The following LARGE1 variants were observed in gnomAD, a reference collection of about 807,000 sequenced individuals.
LARGE1 encodes LARGE xylosyl- and glucuronyltransferase 1, also known as xylosyl- and glucuronyltransferase LARGE1.
A neutral mutation model predicts 87.6 loss-of-function variants in LARGE1; 43 were observed. The observed-to-expected ratio is 0.49, with a 90% CI of 0.38 to 0.63. The LOEUF is 0.63. LARGE1 is among the 30% of genes least tolerant of loss of function. The pLI is 0.00. For missense variants in LARGE1, 802 were observed against 1,000.2 expected, an observed-to-expected ratio of 0.80 and a Z score of 2.67; for synonymous variants, 434 against 394.6, an observed-to-expected ratio of 1.10 and a Z score of -1.18.
chr22:33,499,037 G>T lies in LARGE1; in HGVS notation c.787+65811C>A, dbSNP rs139974291. On this transcript the variant is annotated intron_variant, in intron 6 of 14. Coordinates refer to ENST00000397394, the MANE Select transcript of LARGE1 (RefSeq NM_133642.5). Reference sequence around the variant, plus strand: ...AATTGAAATAAAACAGTATAAAACAGAGACTCTTGTGGCTTTAAAGGCAAT... The same window carrying T: ...AATTGAAATAAAACAGTATAAAACATAGACTCTTGTGGCTTTAAAGGCAAT... Among the ~76,000 whole-genome samples the T allele has an allele frequency of 4.0e-3, 610 of 152,186 alleles. 5 individuals are homozygous for T. Among genetic ancestry groups the T allele is most frequent in the African/African-American group, 0.014 (574 of 41,546 alleles).
At chr22:33,729,603 C>T (rs932967066) in intron 2 of LARGE1, among the ~76,000 whole-genome samples, 2 of 152,240 alleles carry the variant, frequency 1.3e-5, no homozygotes, top group African/African-American at 4.8e-5. Context: ...TTTTCATTTA[C>T]TTCCACTGAA....
At chr22:33,156,709 G>A in the LARGE1 span, among the ~76,000 whole-genome samples, 1 of 152,248 alleles carries the variant, frequency 6.6e-6, no homozygotes, top group African/African-American at 2.4e-5. Flanking sequence ...GGGAAATATT[G>A]GGAAGGCATG....
At chr22:33,171,471 C>T (rs1391011567) in intron 11 of LARGE1, among the ~76,000 whole-genome samples, 1 of 152,212 alleles carries the variant, frequency 6.6e-6, no homozygotes, top group Non-Finnish European at 1.5e-5. Flanking sequence ...CCATCACAGG[C>T]CTAGATGCCT....
chr22:33,816,444 G>A (rs1036850148), intron 1 of LARGE1, among the ~76,000 whole-genome samples: 3 of 152,004 alleles, frequency 2.0e-5, no homozygotes, highest in African/African-American at 4.8e-5. Flanking sequence ...TTCTTGCTAC[G>A]TCCTCACATG....
chr22:33,746,891 C>T (rs2084107410), intron 2 of LARGE1, among the ~76,000 whole-genome samples: 1 of 152,090 alleles, frequency 6.6e-6, no homozygotes, highest in African/African-American at 2.4e-5. Context: ...TGCACTTAAT[C>T]CAGGTCAAAC....
intron 10 of LARGE1, among the ~76,000 whole-genome samples, chr22:33,326,423 C>A (rs1351771721): frequency 6.6e-6 from 1 of 152,210 alleles, no homozygotes; most frequent in African/African-American, 2.4e-5. Context: ...ACAGTGCAAT[C>A]ACAACACAAA....
At chr22:33,140,331 G>A in the LARGE1 span, among the ~76,000 whole-genome samples, 1 of 142,614 alleles carries the variant, frequency 7.0e-6, no homozygotes, top group Non-Finnish European at 1.6e-5. Flanking sequence ...GGGTGCAGTG[G>A]GGAGAAAAGG....
At chr22:33,530,105 C>T (rs765937007) in intron 6 of LARGE1, among the ~76,000 whole-genome samples, 8 of 152,188 alleles carry the variant, frequency 5.3e-5, no homozygotes, top group Non-Finnish European at 1.0e-4. Context: ...TTTGGAGGTT[C>T]CTATCCTAAA....
intron 8 of LARGE1, 62 bp from the exon 9 acceptor site, chr22:33,382,106 C>A: frequency 1.2e-6 from 2 of 1,606,952 alleles, no homozygotes; most frequent in Non-Finnish European, 1.7e-6. Context: ...CCCATTTTGG[C>A]TCTCAAGGCA....
chr22:33,688,152 G>A (rs57417394), intron 2 of LARGE1, among the ~76,000 whole-genome samples: 11,835 of 152,216 alleles, frequency 0.078, 562 homozygotes, highest in African/African-American at 0.12. Flanking sequence ...GATCCTACTC[G>A]AACGCTGTCT....
intron 9 of LARGE1, among the ~76,000 whole-genome samples, chr22:33,350,719 T>C (rs1167434585): frequency 1.3e-5 from 2 of 152,188 alleles, no homozygotes; most frequent in East Asian, 3.9e-4. Context: ...AGGCCCACTA[T>C]TGCTCTTTTG....
chr22:33,461,088 C>G (rs1158242263), intron 6 of LARGE1, among the ~76,000 whole-genome samples: 2 of 152,182 alleles, frequency 1.3e-5, no homozygotes, highest in African/African-American at 4.8e-5. Flanking sequence ...ACAATGAATT[C>G]AACCCCAGAA....
intron 1 of LARGE1, among the ~76,000 whole-genome samples, chr22:33,909,233 A>C (rs1279783376): frequency 7.2e-5 from 11 of 152,190 alleles, no homozygotes; most frequent in Admixed American, 5.9e-4. Flanking sequence ...CATATCAAGC[A>C]AATGTTTGTG....
At chr22:33,862,165 C>G (rs1245678459) in intron 1 of LARGE1, among the ~76,000 whole-genome samples, 1 of 152,080 alleles carries the variant, frequency 6.6e-6, no homozygotes, top group East Asian at 1.9e-4. Flanking sequence ...CCGGCAGGAA[C>G]CAGATGTTTC....
chr22:33,416,575 G>A (rs2066492750), intron 7 of LARGE1, among the ~76,000 whole-genome samples: 1 of 151,978 alleles, frequency 6.6e-6, no homozygotes, highest in Non-Finnish European at 1.5e-5. Flanking sequence ...GGGAGGCAAT[G>A]GTGGTGCAAG....
intron 5 of LARGE1, among the ~76,000 whole-genome samples, chr22:33,567,028 A>C (rs2078048883): frequency 1.3e-5 from 2 of 152,162 alleles, no homozygotes; most frequent in Admixed American, 6.5e-5. Context: ...CAGAAGTTCA[A>C]ATCTGGGCTC....
chr22:33,415,731 A>G (rs925675419), intron 7 of LARGE1, among the ~76,000 whole-genome samples: 3 of 152,160 alleles, frequency 2.0e-5, no homozygotes, highest in Non-Finnish European at 2.9e-5. Flanking sequence ...GAGCTTCTGC[A>G]TATGTTTCAA....
chr22:33,527,460 T>A (rs1449218828), intron 6 of LARGE1, among the ~76,000 whole-genome samples: 2 of 152,180 alleles, frequency 1.3e-5, no homozygotes, highest in African/African-American at 4.8e-5. Context: ...GGATTTATGT[T>A]CCCAGGGGAC....
At chr22:33,809,368 T>C (rs187414733) in intron 1 of LARGE1, among the ~76,000 whole-genome samples, 217 of 152,342 alleles carry the variant, frequency 1.4e-3, no homozygotes, top group Non-Finnish European at 2.7e-3. Flanking sequence ...TACACAACTA[T>C]ATGTTCCATG....
Sources: gnomAD v4.1 joint callset for allele counts (sites outside exome capture counted in the v4.1 genomes callset) on GRCh38, gnomAD v4.1.1 for gene constraint, MANE v1.5 for transcripts, NCBI Gene and HGNC (gene_info 2026-07-23, HGNC 2026-07-21) for gene names.